The following PLEKHA2 variants were observed in gnomAD, a reference collection of about 807,000 sequenced individuals.
The protein encoded by PLEKHA2 is pleckstrin homology domain containing A2.
PLEKHA2 carries 28 observed loss-of-function variants against 53.2 expected under a neutral mutation model. The observed-to-expected ratio is 0.53, with a 90% CI of 0.39 to 0.72. The LOEUF (loss-of-function observed/expected upper bound fraction) is 0.72, where lower values mean the gene tolerates loss of function less well. Among genes scored for constraint, PLEKHA2 ranks in the 30% least tolerant of loss-of-function variants. PLEKHA2 has a pLI of 0.00. For missense variants in PLEKHA2, 426 were observed against 537.9 expected, an observed-to-expected ratio of 0.79 and a Z score of 2.06; for synonymous variants, 193 against 196.4, an observed-to-expected ratio of 0.98 and a Z score of 0.14.
chr8:38,951,398 G>A (rs529399455), intron 6 of PLEKHA2, among the ~76,000 whole-genome samples: 96 of 151,194 alleles, frequency 6.3e-4, no homozygotes, highest in Non-Finnish European at 8.7e-4. Context: ...TTCTGTGAAA[G>A]TACCCAGTAG....
At chr8:38,913,699 TC>T (rs975859836) in intron 1 of PLEKHA2, among the ~76,000 whole-genome samples, 10 of 152,204 alleles carry the variant, frequency 6.6e-5, no homozygotes, top group African/African-American at 2.4e-4. Context: ...GGACTCTTGT[TC>T]CTCCGTCATC....
intron 7 of PLEKHA2, 56 bp from the exon 8 acceptor site, chr8:38,952,580 C>T: frequency 6.5e-7 from 1 of 1,546,072 alleles, no homozygotes; most frequent in South Asian, 1.1e-5. Flanking sequence ...TGAGTACACC[C>T]TCCACAATGC....
At position 38,922,855 on chromosome 8, in the gene PLEKHA2, A is replaced by G. The variant is rs1834216811; in HGVS notation, c.141+4785A>G. Among the ~76,000 whole-genome samples, 2 of 152,164 alleles carry G rather than the reference A, an allele frequency of 1.3e-5. No homozygotes were observed. Among genetic ancestry groups the G allele is most frequent in the African/African-American group, 4.8e-5 (2 of 41,432 alleles). ...TAGGGTCTGTTGTTACTCTTTGCTCATGGTTGTGCAGGTGGTAAATGCAGC... is the reference window on the plus strand; with the variant it reads ...TAGGGTCTGTTGTTACTCTTTGCTCGTGGTTGTGCAGGTGGTAAATGCAGC... On this transcript the variant is annotated intron_variant, in intron 2 of 11. Transcript: ENST00000617275. This position sits in a 1 kb window ranked among gnomAD's most constrained non-coding sequence, Gnocchi z 4.0.
At chr8:38,921,912 G>A (rs1229718805) in intron 2 of PLEKHA2, among the ~76,000 whole-genome samples, 1 of 152,258 alleles carries the variant, frequency 6.6e-6, no homozygotes, top group Non-Finnish European at 1.5e-5. Context: ...CCAGATTTAA[G>A]TGTGGATGTT....
In PLEKHA2 at chr8:38,971,074, C is replaced by A. The variant is rs1247352362; in HGVS notation, c.*1291C>A. On this transcript the variant is annotated 3_prime_UTR_variant, in exon 12 of 12. Coordinates refer to ENST00000617275, the MANE Select transcript of PLEKHA2 (RefSeq NM_021623.2). ...TTTTTACCTGAGTAAATGCTCTCCT[C>A]TTCTTGTGTCCAAATCTAATGCAGA... The A allele has an allele frequency of 6.6e-6, 1 of 152,222 alleles. No homozygotes were observed. The highest frequency in any genetic ancestry group is 1.5e-5 in the Non-Finnish European group (1 of 68,042). The allele number at this position is 152,222 out of a possible 1,614,324, so 9.4% of individuals were successfully genotyped here. A position where few individuals can be genotyped will look rare whatever the true frequency, so the allele number is the denominator to read the frequency against.
At chr8:38,961,988 A>T (rs1835049720) in intron 10 of PLEKHA2, among the ~76,000 whole-genome samples, 2 of 152,268 alleles carry the variant, frequency 1.3e-5, no homozygotes. Context: ...AAAGTTTATC[A>T]CTTTGTAGTA....
Position 38,901,455 on chromosome 8 carries a change from G to C in PLEKHA2, c.-24+10G>C, listed in dbSNP as rs1434703516. On this transcript the variant is annotated intron_variant, in intron 1 of 11. Transcript: ENST00000617275. ...GCCCCTGCACGGGGGGGTAAGTTGG[G>C]CGCCCTCGCGGGCTCGGGAGTGGAG... 6.6e-6 allele frequency: 1 copy of C among 151,700 alleles called. No homozygotes were observed. The highest frequency in any genetic ancestry group is 6.6e-5 in the Admixed American group (1 of 15,244). 9.4% of individuals were successfully genotyped at this position (151,700 alleles called of 1,614,324 possible). A position where few individuals can be genotyped will look rare whatever the true frequency, so the allele number is the denominator to read the frequency against.
At position 38,968,624 on chromosome 8, in the gene PLEKHA2, TAAG is replaced by T. The variant is rs1447748339; in HGVS notation, c.871_873del (p.Lys291del). 20 of 1,613,908 alleles carry T rather than the reference TAAG, an allele frequency of 1.2e-5. No homozygotes were observed. Among genetic ancestry groups the T allele is most frequent in the Non-Finnish European group, 1.5e-5 (18 of 1,179,902 alleles). ...GTCCAGAAGACATGCACAGCTGGAT[TAAG>T]GAGATTGGCGCAGCTGTCCAGGCCC... On this transcript the variant is annotated inframe_deletion, in exon 11 of 12. Transcript: ENST00000617275.
At chr8:38,947,056 T>C (rs1021597342) in intron 5 of PLEKHA2, among the ~76,000 whole-genome samples, 1 of 152,224 alleles carries the variant, frequency 6.6e-6, no homozygotes, top group Admixed American at 6.5e-5. Context: ...TGTACACGTA[T>C]ATAGTATTCA....
chr8:38,915,743 C>T (rs1219616022), intron 1 of PLEKHA2, among the ~76,000 whole-genome samples: 2 of 152,182 alleles, frequency 1.3e-5, no homozygotes, highest in Non-Finnish European at 2.9e-5. Flanking sequence ...GCTCCAGAAA[C>T]CCTTTGCATT....
At chr8:38,921,138 G>A (rs973044340) in intron 2 of PLEKHA2, among the ~76,000 whole-genome samples, 11 of 152,196 alleles carry the variant, frequency 7.2e-5, no homozygotes, top group Admixed American at 5.9e-4. Flanking sequence ...TGCTTTGGCT[G>A]GAGTTAAATG....
intron 1 of PLEKHA2, among the ~76,000 whole-genome samples, chr8:38,910,859 T>A (rs1833943952): frequency 6.6e-6 from 1 of 152,238 alleles, no homozygotes; most frequent in African/African-American, 2.4e-5. Flanking sequence ...GAAACGATTA[T>A]AAAGACTATG....
intron 3 of PLEKHA2, among the ~76,000 whole-genome samples, chr8:38,938,708 A>T (rs1436637212): frequency 6.6e-6 from 1 of 152,122 alleles, no homozygotes; most frequent in Non-Finnish European, 1.5e-5. Flanking sequence ...CACAGGACCC[A>T]CCAGTCAACC....
intron 10 of PLEKHA2, among the ~76,000 whole-genome samples, chr8:38,964,807 G>T (rs371389519): frequency 7.5e-6 from 1 of 132,622 alleles, no homozygotes; most frequent in Non-Finnish European, 1.6e-5. Context: ...TTAGAATTTT[G>T]TGAGGTTTTA....
chr8:38,952,042 G>T (rs371658916), intron 6 of PLEKHA2, 124 bp from the exon 7 acceptor site: 18 of 1,254,972 alleles, frequency 1.4e-5, no homozygotes, highest in Non-Finnish European at 2.0e-5. Context: ...GAGCCACTGT[G>T]CCCACCATTT....
At chr8:38,938,081 AGCT>A (rs1413566517) in intron 3 of PLEKHA2, among the ~76,000 whole-genome samples, 1 of 152,202 alleles carries the variant, frequency 6.6e-6, no homozygotes, top group Non-Finnish European at 1.5e-5. Flanking sequence ...AAATAATTAA[AGCT>A]GCACTTTGAC....
chr8:38,967,271 T>C (rs937156543), intron 10 of PLEKHA2, among the ~76,000 whole-genome samples: 2 of 152,336 alleles, frequency 1.3e-5, no homozygotes, highest in South Asian at 4.1e-4. Flanking sequence ...GGTATCTTTT[T>C]GATATAATGA....
chr8:38,906,092 G>A (rs1350208194), intron 1 of PLEKHA2, among the ~76,000 whole-genome samples: 1 of 152,250 alleles, frequency 6.6e-6, no homozygotes, highest in Non-Finnish European at 1.5e-5. Flanking sequence ...ACTCGCAGCT[G>A]TTGTTAGGAA....
intron 10 of PLEKHA2, among the ~76,000 whole-genome samples, chr8:38,968,225 T>G (rs946031822): frequency 1.3e-5 from 2 of 152,294 alleles, no homozygotes; most frequent in East Asian, 3.9e-4. Flanking sequence ...CCATAAACCT[T>G]GGGCTTTGGC....
Sources: gnomAD v4.1 joint callset for allele counts (sites outside exome capture counted in the v4.1 genomes callset) on GRCh38, gnomAD v4.1.1 for gene constraint, Gnocchi (gnomAD v3.1) non-coding constraint, MANE v1.5 for transcripts, NCBI Gene and HGNC (gene_info 2026-07-23, HGNC 2026-07-21) for gene names.